FSTL4: variants seen among roughly 807,000 people sequenced by gnomAD.
The protein encoded by FSTL4 is follistatin like 4, also known as follistatin-related protein 4.
In FSTL4, 28 loss-of-function variants were observed where a neutral mutation model predicts 78.2. The observed-to-expected ratio is 0.36, with a 90% confidence interval of 0.27 to 0.49. The LOEUF is 0.49. Ranked by LOEUF, FSTL4 falls within the 20% of genes least tolerant of loss-of-function variation. FSTL4 has a pLI of 0.98. For missense variants in FSTL4, 922 were observed against 1,084.9 expected, an observed-to-expected ratio of 0.85 and a Z score of 2.11; for synonymous variants, 422 against 440.5, an observed-to-expected ratio of 0.96 and a Z score of 0.53.
chr5:133,206,786 G>C (rs781094101), intron 14 of FSTL4, among the ~76,000 whole-genome samples: 1 of 151,278 alleles, frequency 6.6e-6, no homozygotes, highest in Admixed American at 6.6e-5. Context: ...TTTTTGTTTT[G>C]CTTTCTATTA....
chr5:133,595,826 G>C (rs1442317207), intron 2 of FSTL4, among the ~76,000 whole-genome samples: 5 of 152,208 alleles, frequency 3.3e-5, no homozygotes, highest in Non-Finnish European at 5.9e-5. Flanking sequence ...CAAACCTAAA[G>C]GCTGGAGAGG....
In FSTL4 at chr5:133,225,380, C is replaced by T. The variant is rs1581544407; in HGVS notation, c.1178-96G>A. On this transcript the variant is annotated intron_variant, in intron 9 of 15. Coordinates refer to ENST00000265342, the MANE Select transcript of FSTL4 (RefSeq NM_015082.2). This position sits in a 1 kb window ranked among gnomAD's most constrained non-coding sequence, Gnocchi z 4.6. ...TGAGAGTGTTAGGGCTGCCCAGCCC[C>T]TGGGCAGCCAGCAGCCCTGATTATA... is the stretch of plus-strand genomic sequence containing the variant. The T allele has an allele frequency of 1.4e-6, 2 of 1,467,924 alleles. No homozygotes were observed. Among genetic ancestry groups the T allele is most frequent in the Non-Finnish European group, 1.9e-6 (2 of 1,063,924 alleles). 90.9% of individuals were successfully genotyped at this position (1,467,924 alleles called of 1,614,324 possible). A position where few individuals can be genotyped will look rare whatever the true frequency, so the allele number is the denominator to read the frequency against.
intron 4 of FSTL4, among the ~76,000 whole-genome samples, chr5:133,371,377 G>C (rs1203789761): frequency 6.6e-6 from 1 of 152,210 alleles, no homozygotes; most frequent in East Asian, 1.9e-4. Flanking sequence ...ATCCCATGTA[G>C]GTCTCGTGAA....
chr5:133,453,013 A>G (rs1561722789), intron 3 of FSTL4, among the ~76,000 whole-genome samples: 1 of 152,244 alleles, frequency 6.6e-6, no homozygotes, highest in Admixed American at 6.5e-5. Context: ...CTTGAATTCA[A>G]TATCAGTGCC....
the FSTL4 span, among the ~76,000 whole-genome samples, chr5:133,731,917 C>T: frequency 6.6e-6 from 1 of 152,168 alleles, no homozygotes; most frequent in Non-Finnish European, 1.5e-5. Context: ...TTCTAAGATT[C>T]TAGATACTCA....
At chr5:133,591,772 G>A (rs933852813) in intron 2 of FSTL4, among the ~76,000 whole-genome samples, 1 of 152,118 alleles carries the variant, frequency 6.6e-6, no homozygotes, top group African/African-American at 2.4e-5. Context: ...AGGCAGAGGA[G>A]GGAGAAATGG....
At chr5:133,683,854 C>T in the FSTL4 span, among the ~76,000 whole-genome samples, 14 of 152,142 alleles carry the variant, frequency 9.2e-5, no homozygotes, top group South Asian at 2.1e-4. Context: ...TGGATGGTGC[C>T]GCAGGAGCCC....
chr5:133,546,582 C>G (rs1759579233), intron 3 of FSTL4, among the ~76,000 whole-genome samples: 1 of 148,482 alleles, frequency 6.7e-6, no homozygotes, highest in Non-Finnish European at 1.5e-5. Flanking sequence ...GTCCAGCAAT[C>G]TTTTGTTAAG....
At chr5:133,775,799 C>A in the FSTL4 span, among the ~76,000 whole-genome samples, 4 of 152,266 alleles carry the variant, frequency 2.6e-5, no homozygotes, top group South Asian at 8.3e-4. Flanking sequence ...ACATTTTGCA[C>A]AGTGTGATGA....
At chr5:133,495,096 A>G (rs73788104) in intron 3 of FSTL4, among the ~76,000 whole-genome samples, 1,895 of 152,248 alleles carry the variant, frequency 0.012, 40 homozygotes, top group African/African-American at 0.044. Context: ...CGGGGAAACG[A>G]GCAGCCAGAA....
At chr5:133,292,396 T>C (rs1319236414) in intron 6 of FSTL4, among the ~76,000 whole-genome samples, 1 of 152,024 alleles carries the variant, frequency 6.6e-6, no homozygotes, top group East Asian at 1.9e-4. Flanking sequence ...TGCCTCTACA[T>C]GCTACCTCCC....
intron 3 of FSTL4, among the ~76,000 whole-genome samples, chr5:133,422,863 C>T (rs1391819197): frequency 6.6e-6 from 1 of 152,242 alleles, no homozygotes; most frequent in African/African-American, 2.4e-5. Context: ...ATTCAGACCA[C>T]TTCAAAACTC....
intron 4 of FSTL4, among the ~76,000 whole-genome samples, chr5:133,393,517 CAG>C (rs368037379): frequency 2.6e-5 from 4 of 152,254 alleles, no homozygotes; most frequent in African/African-American, 9.6e-5. Context: ...GGGCTGGGGA[CAG>C]AGAGATCCCT....
At chr5:133,525,118 T>C (rs767395224) in intron 3 of FSTL4, among the ~76,000 whole-genome samples, 7 of 152,170 alleles carry the variant, frequency 4.6e-5, no homozygotes, top group Non-Finnish European at 8.8e-5. Flanking sequence ...AGTCGATATG[T>C]CAGTTTGATG....
chr5:133,388,933 T>C (rs912754023), intron 4 of FSTL4, among the ~76,000 whole-genome samples: 20 of 152,214 alleles, frequency 1.3e-4, no homozygotes, highest in Admixed American at 5.9e-4. Context: ...GATTTCTGTA[T>C]GGTTAATCTT....
chr5:133,581,650 A>T (rs2112958707), intron 2 of FSTL4, among the ~76,000 whole-genome samples: 1 of 152,338 alleles, frequency 6.6e-6, no homozygotes, highest in African/African-American at 2.4e-5. Context: ...AGAAGTGGGC[A>T]TTTTGCCCAC....
intron 3 of FSTL4, among the ~76,000 whole-genome samples, chr5:133,412,260 A>G (rs1329637033): frequency 6.6e-6 from 1 of 152,180 alleles, no homozygotes; most frequent in Non-Finnish European, 1.5e-5. Context: ...CAACCCAGAA[A>G]GCTGCTGTGA....
At chr5:133,509,105 T>A (rs1758671709) in intron 3 of FSTL4, among the ~76,000 whole-genome samples, 1 of 152,156 alleles carries the variant, frequency 6.6e-6, no homozygotes, top group Non-Finnish European at 1.5e-5. Flanking sequence ...TGAAAGGAAA[T>A]AAATCTAGTT....
chr5:133,704,818 G>A, the FSTL4 span, among the ~76,000 whole-genome samples: 1 of 152,228 alleles, frequency 6.6e-6, no homozygotes, highest in Non-Finnish European at 1.5e-5. Flanking sequence ...CAGGCATGGT[G>A]TCAGCTGGGT....
Sources: gnomAD v4.1 joint callset for allele counts (sites outside exome capture counted in the v4.1 genomes callset) on GRCh38, gnomAD v4.1.1 for gene constraint, Gnocchi (gnomAD v3.1) non-coding constraint, MANE v1.5 for transcripts, NCBI Gene and HGNC (gene_info 2026-07-23, HGNC 2026-07-21) for gene names.